Variants in PHF14 observed in about 807,000 individuals in gnomAD.
PHF14 encodes PHD finger protein 14.
Under a neutral mutation model 117.9 loss-of-function variants are expected in PHF14, and 55 were observed. That is an observed-to-expected ratio of 0.47 (90% confidence interval 0.38 to 0.58). PHF14 has a LOEUF of 0.58. Among genes scored for constraint, PHF14 ranks in the 20% least tolerant of loss-of-function variants. PHF14 has a pLI of 0.00. For missense variants in PHF14, 978 were observed against 1,122.2 expected (o/e 0.87, Z 1.84); for synonymous variants, 409 against 368.6 (o/e 1.11, Z -1.26).
chr7:11,164,739 C>T (rs192507107), intron 17 of PHF14, among the ~76,000 whole-genome samples: 6 of 152,244 alleles, frequency 3.9e-5, no homozygotes, highest in Middle Eastern at 3.4e-3. Flanking sequence ...AACCATAGTA[C>T]AATTATTGAA....
chr7:11,123,091 G>A (rs1328310077), intron 17 of PHF14, among the ~76,000 whole-genome samples: 3 of 151,916 alleles, frequency 2.0e-5, no homozygotes, highest in Non-Finnish European at 4.4e-5. Context: ...TTTTTTGATA[G>A]GCTTCTCTAG....
At chr7:10,984,254 C>G (rs759730948) in intron 3 of PHF14, among the ~76,000 whole-genome samples, 3 of 151,950 alleles carry the variant, frequency 2.0e-5, no homozygotes, top group Non-Finnish European at 2.9e-5. Context: ...ATTTCGTTAC[C>G]AAAATAATCT....
chr7:11,040,593 C>A, intron 11 of PHF14, 79 bp from the exon 12 acceptor site: 1 of 585,732 alleles, frequency 1.7e-6, no homozygotes, highest in Non-Finnish European at 2.8e-6. Context: ...ATTTACTTGG[C>A]TTGAGTGGCA....
chr7:10,982,935 G>T lies in PHF14; in HGVS notation c.676G>T (p.Ala226Ser). The change falls in exon 3 of 18, where the codon GCG becomes TCG. Residue 226 changes from alanine to serine, a missense_variant. Coordinates refer to ENST00000634607, the MANE Select transcript of PHF14 (RefSeq NM_001007157.2). ...PTVVKRKGRS[A>S]SQKEGSDGDN... Reference sequence around the variant, plus strand: ...TGTAGTAAAGAGAAAAGGGAGATCTGCGTCTCAGAAAGAGGGAAGTGATGG... The same window carrying T: ...TGTAGTAAAGAGAAAAGGGAGATCTTCGTCTCAGAAAGAGGGAAGTGATGG... 4 of 1,607,858 alleles carry T rather than the reference G, an allele frequency of 2.5e-6. No homozygotes were observed. Among genetic ancestry groups the T allele is most frequent in the Non-Finnish European group, 3.4e-6 (4 of 1,176,568 alleles).
chr7:11,120,904 T>G (rs919010937), intron 17 of PHF14, among the ~76,000 whole-genome samples: 2 of 152,136 alleles, frequency 1.3e-5, no homozygotes, highest in African/African-American at 4.8e-5. Context: ...ACGACATATT[T>G]TAGTAACAAG....
intron 7 of PHF14, among the ~76,000 whole-genome samples, chr7:11,032,556 A>G (rs74679896): frequency 0.014 from 2,191 of 152,238 alleles, 53 homozygotes; most frequent in East Asian, 0.1. Context: ...GAGGACCACA[A>G]GCTAAACTTA....
chr7:11,074,054 C>T (rs183889947), intron 16 of PHF14, among the ~76,000 whole-genome samples: 6 of 152,290 alleles, frequency 3.9e-5, no homozygotes, highest in African/African-American at 1.4e-4. Context: ...ATGGGCTGCA[C>T]TGCCTGGAAG....
chr7:11,031,910 A>G (rs985091859), intron 7 of PHF14, among the ~76,000 whole-genome samples: 12 of 152,144 alleles, frequency 7.9e-5, no homozygotes, highest in Non-Finnish European at 1.8e-4. Context: ...TTAAAGTATA[A>G]TTTGGTGCTA....
In PHF14 at chr7:10,982,887, G is replaced by A; in HGVS notation, c.628G>A (p.Asp210Asn). The change falls in exon 3 of 18, where the codon GAT (aspartate) becomes AAT (asparagine). Residue 210 changes from aspartate to asparagine, a missense_variant. Physicochemically the swap from Asp to Asn is conservative, Grantham distance 23 (BLOSUM62 1). Around this residue, in one of 7 missense-constraint regions of PHF14, gnomAD observed 414 missense variants for 376.4 expected, o/e 1.10. Transcript: ENST00000634607. ...TGACATGGATGACTATGACAGTGAG[G>A]ATGACAATGATTGGCGACCTACTGT... ...LNDMDDYDSEDDNDWRPTVVK... is the reference protein window; with the variant it reads ...LNDMDDYDSENDNDWRPTVVK... 1 of 1,613,546 alleles carries A rather than the reference G, an allele frequency of 6.2e-7. No individual in the cohort carries two copies.
chr7:10,990,903 A>G, intron 4 of PHF14, 56 bp downstream of exon 4: 2 of 1,275,356 alleles, frequency 1.6e-6, no homozygotes, highest in Middle Eastern at 1.9e-4. Context: ...GCTCTTTTAC[A>G]TTTGTACTAA....
At chr7:10,978,148 T>C (rs1781930721) in intron 2 of PHF14, among the ~76,000 whole-genome samples, 1 of 152,218 alleles carries the variant, frequency 6.6e-6, no homozygotes, top group Admixed American at 6.5e-5. Context: ...TTGGTGGTAT[T>C]TTGTGCTTAA....
chr7:11,147,254 T>C (rs772623959), intron 17 of PHF14, among the ~76,000 whole-genome samples: 19 of 152,204 alleles, frequency 1.2e-4, no homozygotes, highest in Non-Finnish European at 2.2e-4. Context: ...TCATTAAATA[T>C]AGGACATATA....
intron 16 of PHF14, among the ~76,000 whole-genome samples, chr7:11,100,719 A>G (rs1198486030): frequency 6.6e-6 from 1 of 151,886 alleles, no homozygotes; most frequent in Non-Finnish European, 1.5e-5. Flanking sequence ...TTACTATTTT[A>G]TGGGTGAGGA....
At chr7:11,000,271 G>A (rs1430258383) in intron 4 of PHF14, among the ~76,000 whole-genome samples, 1 of 144,884 alleles carries the variant, frequency 6.9e-6, no homozygotes, top group Admixed American at 6.9e-5. Context: ...GATTGATTTT[G>A]TATGTTGTAT....
intron 17 of PHF14, among the ~76,000 whole-genome samples, chr7:11,142,723 T>G (rs1788435489): frequency 6.6e-6 from 1 of 152,104 alleles, no homozygotes; most frequent in Non-Finnish European, 1.5e-5. Flanking sequence ...AGTCACTTGT[T>G]CACTATCCAA....
rs977146551 is a variant in PHF14, at chr7:11,103,475, G to T, written c.2655-7875G>T. ...CCAGAGGTATACAGAATTAAAATTTGATCTTCAAGCTTTAATGATCCAGTT... is the reference window on the plus strand; with the variant it reads ...CCAGAGGTATACAGAATTAAAATTTTATCTTCAAGCTTTAATGATCCAGTT... On this transcript the variant is annotated intron_variant, in intron 16 of 17. Transcript: ENST00000634607. 16 of 983,576 alleles carry T rather than the reference G, an allele frequency of 1.6e-5. No homozygotes were observed. The South Asian group carries it at 6.1e-4, about 38-fold the overall frequency. The allele number at this position is 983,576 out of a possible 1,614,324, so 60.9% of individuals were successfully genotyped here.
Position 11,063,029 on chromosome 7 carries a change from ATACT to A in PHF14, c.2654+950_2654+953del, listed in dbSNP as rs546510498. 6.0e-3 allele frequency: 4,709 copies of A among 790,166 alleles called. 22 individuals carry two copies. The highest frequency in any genetic ancestry group is 0.018 in the Middle Eastern group (28 of 1,538). 48.9% of individuals were successfully genotyped at this position (790,166 alleles called of 1,614,324 possible). ...TATTAGTGTTGTTGTATGTTTTTAA[ATACT>A]TACTTCCAAATGATTTAATCTATTT... On this transcript the variant is annotated intron_variant, in intron 16 of 17. Transcript: ENST00000634607.
chr7:11,163,862 G>A (rs1461683042), intron 17 of PHF14, among the ~76,000 whole-genome samples: 1 of 152,154 alleles, frequency 6.6e-6, no homozygotes, highest in East Asian at 1.9e-4. Context: ...TTTGACCACA[G>A]ATGGAAGCCA....
At chr7:11,032,563 C>T (rs1784154474) in intron 7 of PHF14, among the ~76,000 whole-genome samples, 1 of 151,380 alleles carries the variant, frequency 6.6e-6, no homozygotes, top group Non-Finnish European at 1.5e-5. Context: ...ACAAGCTAAA[C>T]TTAATCCATA....
Sources: gnomAD v4.1 joint callset for allele counts (sites outside exome capture counted in the v4.1 genomes callset) on GRCh38, gnomAD v4.1.1 for gene constraint, gnomAD v4.1.1 regional missense constraint, MANE v1.5 for transcripts, NCBI Gene and HGNC (gene_info 2026-07-23, HGNC 2026-07-21) for gene names.